The following IFT80 variants were observed in gnomAD, a reference collection of about 807,000 sequenced individuals.
The protein encoded by IFT80 is intraflagellar transport 80, also known as intraflagellar transport protein 80 homolog.
IFT80 carries 79 observed loss-of-function variants against 107.9 expected under a neutral mutation model. The observed-to-expected ratio is 0.73, with a 90% CI of 0.61 to 0.88. The LOEUF is 0.88. Among genes scored for constraint, IFT80 ranks in the 40% least tolerant of loss-of-function variants. The pLI is 0.00. For missense variants in IFT80, 797 were observed against 914.2 expected, an observed-to-expected ratio of 0.87 and a Z score of 1.65; for synonymous variants, 299 against 300.9, an observed-to-expected ratio of 0.99 and a Z score of 0.07.
Position 160,356,161 on chromosome 3 carries a change from A to G in IFT80, c.640-11T>C. 3.1e-6 allele frequency: 5 copies of G among 1,610,172 alleles called. No individual in the cohort carries two copies. Among genetic ancestry groups the G allele is most frequent in the Non-Finnish European group, 2.5e-6 (3 of 1,177,694 alleles). Reference sequence around the variant, plus strand: ...GTAACTATCCCATACCTACAAAAGCAATTTTTAAAAATCTTTTATAATATC... The same window carrying G: ...GTAACTATCCCATACCTACAAAAGCGATTTTTAAAAATCTTTTATAATATC... On this transcript the variant is annotated splice_polypyrimidine_tract_variant and intron_variant, in intron 7 of 19. Transcript: ENST00000326448.
In IFT80 at chr3:160,280,632, A is replaced by G. The variant is rs368030836; in HGVS notation, c.1664+35T>C. On this transcript the variant is annotated intron_variant, in intron 15 of 19. Transcript: ENST00000326448. Reference sequence around the variant, plus strand: ...ATGATACTCTATTAGAGTTTTATTTACTACAAAACAGAATTATACGCAGTA... The same window carrying G: ...ATGATACTCTATTAGAGTTTTATTTGCTACAAAACAGAATTATACGCAGTA... 2.9e-5 allele frequency: 45 copies of G among 1,567,704 alleles called. No individual in the cohort carries two copies. The African/African-American group carries it at 5.4e-4, about 19-fold the overall frequency.
intron 12 of IFT80, among the ~76,000 whole-genome samples, chr3:160,293,971 T>C (rs1715777921): frequency 6.6e-6 from 1 of 152,160 alleles, no homozygotes; most frequent in African/African-American, 2.4e-5. Context: ...GTACCCTGAT[T>C]CCATGAAGGC....
Position 160,258,446 on chromosome 3 carries a change from T to C in IFT80, c.*79A>G. 2 of 1,582,614 alleles carry C rather than the reference T, an allele frequency of 1.3e-6. No homozygotes were observed. The highest frequency in any genetic ancestry group is 1.7e-6 in the Non-Finnish European group (2 of 1,157,906). On this transcript the variant is annotated 3_prime_UTR_variant, in exon 20 of 20. Transcript: ENST00000326448. ...CGGTTAAAGATTATGCTTTTTTCTT[T>C]AGCAACCAAAACATGCTTACCCTTG...
At chr3:160,358,623 G>A (rs1721275066) in intron 6 of IFT80, among the ~76,000 whole-genome samples, 1 of 152,176 alleles carries the variant, frequency 6.6e-6, no homozygotes, top group East Asian at 1.9e-4. Flanking sequence ...CAAAGTGCTG[G>A]GATTACAGGC....
chr3:160,258,149 G>T lies in IFT80; in HGVS notation c.*376C>A, dbSNP rs536454032. The T allele has an allele frequency of 4.4e-5, 9 of 205,762 alleles. No individual in the cohort carries two copies. Among genetic ancestry groups the T allele is most frequent in the African/African-American group, 1.9e-4 (8 of 42,326 alleles). The allele number at this position is 205,762 out of a possible 1,614,324, so 12.7% of individuals were successfully genotyped here. On this transcript the variant is annotated 3_prime_UTR_variant, in exon 20 of 20. Transcript: ENST00000326448. ...ACTTTTGGAGGCATTTTACAATTTA[G>T]AGGTCAAATAGAAATTAATGGTAAC...
chr3:160,300,482 CAAATT>C (rs1260404075), intron 12 of IFT80, among the ~76,000 whole-genome samples: 21 of 152,008 alleles, frequency 1.4e-4, no homozygotes, highest in African/African-American at 4.8e-4. Context: ...AAAATATAAA[CAAATT>C]AAATAGTTCA....
chr3:160,257,218 A>G lies in IFT80; in HGVS notation c.*1307T>C, dbSNP rs1712436498. 1 of 152,210 alleles carries G rather than the reference A, an allele frequency of 6.6e-6. No individual in the cohort carries two copies. The highest frequency in any genetic ancestry group is 1.5e-5 in the Non-Finnish European group (1 of 68,036). 9.4% of individuals were successfully genotyped at this position (152,210 alleles called of 1,614,324 possible). On this transcript the variant is annotated 3_prime_UTR_variant, in exon 20 of 20. Coordinates refer to ENST00000326448, the MANE Select transcript of IFT80 (RefSeq NM_020800.3). ...AAGAAAAGAAACATGTTAAAAAGAA[A>G]AGATTTTTATTTAAAAAACCTAGAC...
Position 160,366,072 on chromosome 3 carries a change from G to A in IFT80, c.520C>T (p.Pro174Ser). 1 of 1,612,480 alleles carries A rather than the reference G, an allele frequency of 6.2e-7. No homozygotes were observed. Among genetic ancestry groups the A allele is most frequent in the Middle Eastern group, 1.7e-4 (1 of 6,050 alleles). ...AAAACTTTAGCATTTGGTTGAAGAG[G>A]TTTAATGATTAGCTGCTTGCCTGCT... ...YTAGKQLIIK[P>S]LQPNAKVLQW... Residue 174 changes from proline (P) to serine (S), a missense_variant, in exon 6 of 20, where the codon CCT becomes TCT. Pro to Ser is a moderately conservative substitution (Grantham distance 74). Coordinates refer to ENST00000326448, the MANE Select transcript of IFT80 (RefSeq NM_020800.3).
At chr3:160,280,192 T>C (rs562655802) in intron 15 of IFT80, among the ~76,000 whole-genome samples, 79 of 152,302 alleles carry the variant, frequency 5.2e-4, no homozygotes, top group African/African-American at 1.9e-3. Context: ...TGGTTTGATT[T>C]TCTGAAGCAT....
At chr3:160,318,172 T>C (rs968929566) in intron 9 of IFT80, among the ~76,000 whole-genome samples, 1 of 151,688 alleles carries the variant, frequency 6.6e-6, no homozygotes, top group African/African-American at 2.4e-5. Flanking sequence ...GATGAGTACA[T>C]GGGGATTCAG....
intron 12 of IFT80, among the ~76,000 whole-genome samples, chr3:160,286,869 A>G (rs1031995050): frequency 4.6e-5 from 7 of 151,974 alleles, no homozygotes; most frequent in Non-Finnish European, 8.8e-5. Context: ...AAAAACCCTG[A>G]GAATTTCCTG....
chr3:160,322,433 C>T lies in IFT80; in HGVS notation c.778-2494G>A, dbSNP rs1247339896. ...GCCACATTTTCTTAATCCAGTCTAT[C>T]ATTGTTGGACATTTGGGTTGGTTCC... On this transcript the variant is annotated intron_variant, in intron 8 of 19. Coordinates refer to ENST00000326448, the MANE Select transcript of IFT80 (RefSeq NM_020800.3). Among the ~76,000 whole-genome samples the T allele has an allele frequency of 5.3e-5, 8 of 151,912 alleles. No individual in the cohort carries two copies. In the South Asian group the frequency reaches 1.7e-3, roughly 32 times the overall value.
At chr3:160,278,321 T>C (rs532260252) in intron 16 of IFT80, among the ~76,000 whole-genome samples, 9 of 152,222 alleles carry the variant, frequency 5.9e-5, no homozygotes, top group Non-Finnish European at 1.0e-4. Flanking sequence ...GTAAGGAGTA[T>C]ACAAGATGGC....
At chr3:160,296,875 T>G (rs1716023587) in intron 12 of IFT80, among the ~76,000 whole-genome samples, 1 of 152,152 alleles carries the variant, frequency 6.6e-6, no homozygotes, top group Admixed American at 6.6e-5. Flanking sequence ...ACACATAACA[T>G]TGTTTTCTCC....
At chr3:160,391,114 G>C (rs1200157351) in intron 1 of IFT80, among the ~76,000 whole-genome samples, 2 of 152,116 alleles carry the variant, frequency 1.3e-5, no homozygotes, top group East Asian at 3.9e-4. Context: ...ACTACCTATG[G>C]GGTAGCCCTG....
rs778311057 is a variant in IFT80, at chr3:160,366,171, A to C, written c.440-19T>G. ...GGTGTTCCTGTAAGATGAAAAAAGAAAAAAAAAAGGCTGATAAACTTTAAT... is the reference window on the plus strand; with the variant it reads ...GGTGTTCCTGTAAGATGAAAAAAGACAAAAAAAAGGCTGATAAACTTTAAT... On this transcript the variant is annotated intron_variant, in intron 5 of 19. Coordinates refer to ENST00000326448, the MANE Select transcript of IFT80 (RefSeq NM_020800.3). 1 of 1,536,034 alleles carries C rather than the reference A, an allele frequency of 6.5e-7. No individual in the cohort carries two copies.
intron 1 of IFT80, among the ~76,000 whole-genome samples, chr3:160,388,105 G>T (rs571345909): frequency 6.6e-6 from 1 of 151,998 alleles, no homozygotes; most frequent in African/African-American, 2.4e-5. Flanking sequence ...TAGAGATAAG[G>T]ACAATTAGCC....
chr3:160,397,758 G>C (rs1484410673), intron 1 of IFT80, among the ~76,000 whole-genome samples: 1 of 84,714 alleles, frequency 1.2e-5, no homozygotes, highest in African/African-American at 4.6e-5. Flanking sequence ...TTTCGCTCTT[G>C]TTGCCCAGGC....
intron 1 of IFT80, among the ~76,000 whole-genome samples, chr3:160,392,469 GA>G (rs1713460219): frequency 6.6e-6 from 1 of 152,118 alleles, no homozygotes; most frequent in African/African-American, 2.4e-5. Flanking sequence ...TCAAAACCGT[GA>G]TTTTCCCTTC....
Sources: allele counts gnomAD v4.1 joint callset (sites outside exome capture counted in the v4.1 genomes callset), GRCh38; gene constraint gnomAD v4.1.1; transcripts MANE v1.5; gene names NCBI Gene and HGNC (gene_info 2026-07-23, HGNC 2026-07-21).